Variants in SERPING1 observed in about 807,000 individuals in gnomAD.
SERPING1 encodes the protein serpin family G member 1.
Under a neutral mutation model 34.1 loss-of-function variants are expected in SERPING1, and 5 were observed. The observed-to-expected ratio is 0.15, with a 90% confidence interval of 0.08 to 0.31. The LOEUF is 0.31. Among genes scored for constraint, SERPING1 ranks in the 10% least tolerant of loss-of-function variants. The pLI, the probability that SERPING1 is intolerant of heterozygous loss-of-function variation, is 1.00. For missense variants in SERPING1, 505 were observed against 609.5 expected (o/e 0.83, Z 1.81); for synonymous variants, 225 against 242.4 (o/e 0.93, Z 0.67).
intron 6 of SERPING1, among the ~76,000 whole-genome samples, chr11:57,608,692 T>G (rs1465324709): frequency 6.6e-6 from 1 of 152,066 alleles, no homozygotes; most frequent in African/African-American, 2.4e-5. Flanking sequence ...TTTGTATTTT[T>G]AGTAGAGATG....
At position 57,614,068 on chromosome 11, in the gene SERPING1, G is replaced by A. The variant is rs541267015; in HGVS notation, c.1250-260G>A. Among the ~76,000 whole-genome samples the A allele has an allele frequency of 2.0e-5, 3 of 152,168 alleles. No individual in the cohort carries two copies. The East Asian group carries it at 5.8e-4, about 29-fold the overall frequency. On this transcript the variant is annotated intron_variant, in intron 7 of 7. Transcript: ENST00000278407. ...CACTTCCAAGGTCCTGGGAGATAAG[G>A]AGGCAATGACATCATTTTTCAGGGT...
chr11:57,600,350 G>T lies in SERPING1; in HGVS notation c.523G>T (p.Ala175Ser). The stretch of plus-strand genomic sequence containing the variant: ...CATGGCCTTTTCCCCATTCAGCATC[G>T]CCAGCCTCCTTACCCAGGTCCTGCT... ...TNMAFSPFSI[A>S]SLLTQVLLGA... The change falls in exon 3 of 8, where the codon GCC becomes TCC. Residue 175 changes from alanine (A) to serine (S), a missense_variant. Coordinates refer to ENST00000278407, the MANE Select transcript of SERPING1 (RefSeq NM_000062.3). The T allele has an allele frequency of 1.2e-6, 2 of 1,612,528 alleles. No individual in the cohort carries two copies. The highest frequency in any genetic ancestry group is 1.1e-5 in the South Asian group (1 of 91,000).
intron 6 of SERPING1, 37 bp downstream of exon 6, chr11:57,606,584 T>G (rs1412207498): frequency 6.2e-7 from 1 of 1,612,258 alleles, no homozygotes; most frequent in Admixed American, 1.7e-5. Context: ...GTTTGAAACC[T>G]ACTTGAGTCT....
intron 3 of SERPING1, 39 bp from the exon 4 acceptor site, chr11:57,601,996 C>T (rs767439192): frequency 6.2e-7 from 1 of 1,613,182 alleles, no homozygotes; most frequent in Admixed American, 1.7e-5. Flanking sequence ...GCCCCCGACT[C>T]ATCCTGCAAG....
intron 2 of SERPING1, 106 bp from the exon 3 acceptor site, chr11:57,599,773 G>A (rs1256971145): frequency 6.6e-7 from 1 of 1,513,422 alleles, no homozygotes; most frequent in Non-Finnish European, 9.1e-7. Context: ...TTACTCTCTT[G>A]TACAGGACAT....
chr11:57,614,479 C>A lies in SERPING1; in HGVS notation c.1401C>A (p.Thr467=). The change falls in exon 8 of 8, where the codon ACC becomes ACA. Residue 467 remains threonine (T), a synonymous_variant. Coordinates refer to ENST00000278407, the MANE Select transcript of SERPING1 (RefSeq NM_000062.3). ...CCTCCGCCATCTCTGTGGCCCGCAC[C>A]CTGCTGGTCTTTGAAGTGCAGCAGC... ...AAASAISVAR[T]LLVFEVQQPF... 1 of 1,614,070 alleles carries A rather than the reference C, an allele frequency of 6.2e-7. No homozygotes were observed. The highest frequency in any genetic ancestry group is 8.5e-7 in the Non-Finnish European group (1 of 1,180,012).
At chr11:57,612,937 G>C (rs886167429) in intron 7 of SERPING1, among the ~76,000 whole-genome samples, 5 of 151,486 alleles carry the variant, frequency 3.3e-5, no homozygotes, top group African/African-American at 1.2e-4. Flanking sequence ...AGTAGAGATG[G>C]GGTTTCACCA....
intron 6 of SERPING1, among the ~76,000 whole-genome samples, chr11:57,606,965 A>G (rs1368832202): frequency 6.6e-6 from 1 of 152,220 alleles, no homozygotes; most frequent in Non-Finnish European, 1.5e-5. Context: ...ATATGTGGTA[A>G]GTGCATGTGT....
Position 57,612,950 on chromosome 11 carries a change from T to C in SERPING1, c.1249+1014T>C, listed in dbSNP as rs527694343. On this transcript the variant is annotated intron_variant, in intron 7 of 7. Coordinates refer to ENST00000278407, the MANE Select transcript of SERPING1 (RefSeq NM_000062.3). ...TTAGTAGAGATGGGGTTTCACCATG[T>C]TGGTGAAGCTGGTCTTGAACTCCTG... is the stretch of plus-strand genomic sequence containing the variant. 3.1e-4 allele frequency among the ~76,000 whole-genome samples: 47 copies of C among 152,104 alleles called. 1 individual carries two copies. The South Asian group carries it at 6.4e-3, about 21-fold the overall frequency.
intron 1 of SERPING1, 37 bp from the exon 2 acceptor site, chr11:57,598,212 G>C (rs1429526576): frequency 6.6e-7 from 1 of 1,513,394 alleles, no homozygotes; most frequent in Admixed American, 2.0e-5. Flanking sequence ...TGGGCTCCCA[G>C]GGTGGGAGCT....
chr11:57,602,754 C>CAA (rs1211774204), intron 4 of SERPING1, among the ~76,000 whole-genome samples: 1 of 88,076 alleles, frequency 1.1e-5, no homozygotes. Context: ...GACTCCGTCT[C>CAA]AAAAAAAAAA....
At chr11:57,598,030 C>A in intron 1 of SERPING1, 1 of 565,604 alleles carries the variant, frequency 1.8e-6, no homozygotes, top group Non-Finnish European at 3.2e-6. Flanking sequence ...CCCGGGCCCA[C>A]GGGGAGAGGA....
chr11:57,606,323 A>G (rs1945408877), intron 5 of SERPING1, 85 bp from the exon 6 acceptor site: 8 of 1,598,022 alleles, frequency 5.0e-6, no homozygotes, highest in Admixed American at 3.3e-5. Flanking sequence ...ATGTCCCTGC[A>G]CTACTCTTTG....
At chr11:57,604,037 CAGG>C (rs560524692) in intron 4 of SERPING1, among the ~76,000 whole-genome samples, 359 of 150,626 alleles carry the variant, frequency 2.4e-3, no homozygotes, top group Admixed American at 3.9e-3. Flanking sequence ...GTAGTCCCAG[CAGG>C]AGAATAACTT....
intron 7 of SERPING1, 54 bp downstream of exon 7, chr11:57,611,990 A>T: frequency 7.2e-7 from 1 of 1,392,678 alleles, no homozygotes; most frequent in Non-Finnish European, 1.0e-6. Flanking sequence ...GAAAGGGGGG[A>T]TCCCTAAGAT....
intron 6 of SERPING1, 113 bp from the exon 7 acceptor site, chr11:57,611,604 C>G: frequency 9.7e-7 from 1 of 1,029,648 alleles, no homozygotes; most frequent in Non-Finnish European, 1.5e-6. Context: ...CTGACTGATG[C>G]TTGTTGAAAT....
chr11:57,606,428 G>C lies in SERPING1; in HGVS notation c.910G>C (p.Asp304His). 6.2e-7 allele frequency: 1 copy of C among 1,614,146 alleles called. No individual in the cohort carries two copies. Among genetic ancestry groups the C allele is most frequent in the Admixed American group, 1.7e-5 (1 of 60,012 alleles). Reference protein sequence around the residue: ...YLSAKWKTTFDPKKTRMEPFH... With the variant: ...YLSAKWKTTFHPKKTRMEPFH... ...TCTAGCCAAGTGGAAGACAACATTT[G>C]ATCCCAAGAAAACCAGAATGGAACC... The change falls in exon 6 of 8, where the codon GAT (aspartate) becomes CAT (histidine). Residue 304 changes from aspartate (D) to histidine (H), a missense_variant. Physicochemically the swap from Asp to His is moderately conservative, Grantham distance 81 (BLOSUM62 -1). Transcript: ENST00000278407.
At chr11:57,598,344 G>T in intron 2 of SERPING1, 23 bp downstream of exon 2, 1 of 1,550,902 alleles carries the variant, frequency 6.4e-7, no homozygotes, top group Non-Finnish European at 8.7e-7. Context: ...TTGTGGGATG[G>T]GGGACGGGGG....
chr11:57,598,150 G>C, intron 1 of SERPING1, 99 bp from the exon 2 acceptor site: 1 of 857,062 alleles, frequency 1.2e-6, no homozygotes, highest in Non-Finnish European at 1.8e-6. Flanking sequence ...CGCTAAGAGG[G>C]ACTGGGGCCT....
Sources: gnomAD v4.1 joint callset for allele counts (sites outside exome capture counted in the v4.1 genomes callset) on GRCh38, gnomAD v4.1.1 for gene constraint, MANE v1.5 for transcripts, NCBI Gene and HGNC (gene_info 2026-07-23, HGNC 2026-07-21) for gene names.